PTPRN2: variants seen among roughly 807,000 people sequenced by gnomAD.
The protein encoded by PTPRN2 is protein tyrosine phosphatase receptor type N2.
Under a neutral mutation model 118.8 loss-of-function variants are expected in PTPRN2, and 74 were observed. The ratio of observed to expected loss-of-function variants is 0.62; its 90% CI spans 0.52 to 0.76. The LOEUF (loss-of-function observed/expected upper bound fraction) is 0.76, where lower values mean the gene tolerates loss of function less well. PTPRN2 is among the 30% of genes least tolerant of loss of function. The pLI, the probability that PTPRN2 is intolerant of heterozygous loss-of-function variation, is 0.00. For missense variants in PTPRN2, 1,481 were observed against 1,394.4 expected (o/e 1.06, Z -0.99); for synonymous variants, 641 against 608.0 (o/e 1.05, Z -0.80).
intron 12 of PTPRN2, among the ~76,000 whole-genome samples, chr7:157,883,809 ACAC>A (rs201334090): frequency 0.024 from 3,630 of 151,282 alleles, 64 homozygotes; most frequent in Non-Finnish European, 0.041. Context: ...AGACTAGAAC[ACAC>A]CACCCCAAAA....
chr7:158,124,134 A>G (rs780975022), intron 9 of PTPRN2, among the ~76,000 whole-genome samples: 25 of 152,254 alleles, frequency 1.6e-4, no homozygotes, highest in Non-Finnish European at 2.9e-4. Context: ...AGTTGGGTGT[A>G]CACAGCAGCA....
chr7:158,405,986 C>T (rs570135831), intron 2 of PTPRN2, among the ~76,000 whole-genome samples: 23 of 149,238 alleles, frequency 1.5e-4, no homozygotes, highest in African/African-American at 5.5e-4. Flanking sequence ...ACTGAGATCC[C>T]GCAGTGGCTC....
rs1012364523 is a variant in PTPRN2, at chr7:157,987,471, G to T, written c.1724-88734C>A. Among the ~76,000 whole-genome samples, 2 of 152,082 alleles carry T rather than the reference G, an allele frequency of 1.3e-5. No individual in the cohort carries two copies. The highest frequency in any genetic ancestry group is 1.5e-5 in the Non-Finnish European group (1 of 68,010). Reference sequence around the variant, plus strand: ...GTCATTAATGGGGGCGTAGTGTCCGGTCACTAATAGGGTGTGATGACCTGT... The same window carrying T: ...GTCATTAATGGGGGCGTAGTGTCCGTTCACTAATAGGGTGTGATGACCTGT... On this transcript the variant is annotated intron_variant, in intron 11 of 22. Coordinates refer to ENST00000389418, the MANE Select transcript of PTPRN2 (RefSeq NM_002847.5). The surrounding 1 kb of genome is among the most constrained non-coding windows in gnomAD (Gnocchi z 4.3).
intron 3 of PTPRN2, among the ~76,000 whole-genome samples, chr7:158,300,563 C>T (rs1308920317): frequency 1.3e-5 from 2 of 151,888 alleles, no homozygotes; most frequent in South Asian, 2.1e-4. Flanking sequence ...CACAGCGCCT[C>T]GCCCGCCACC....
chr7:157,931,381 G>A (rs140398186), intron 11 of PTPRN2, among the ~76,000 whole-genome samples: 4 of 152,348 alleles, frequency 2.6e-5, no homozygotes, highest in East Asian at 1.9e-4. Flanking sequence ...GTGAGGAGGC[G>A]TTTGGCCCGG....
chr7:157,568,999 C>T (rs1457405385), intron 20 of PTPRN2, 33 bp from the exon 21 acceptor site: 1 of 1,526,034 alleles, frequency 6.6e-7, no homozygotes, highest in African/African-American at 1.4e-5. Context: ...GAAAGTGCTG[C>T]CGTCCACACG....
chr7:158,098,903 T>C (rs1429071444), intron 10 of PTPRN2, among the ~76,000 whole-genome samples: 1 of 151,806 alleles, frequency 6.6e-6, no homozygotes, highest in East Asian at 1.9e-4. Context: ...GGGTGCAGCG[T>C]TCCTGGGTCC....
At chr7:157,828,063 ATTTCGTAAG>A (rs1719950261) in intron 12 of PTPRN2, among the ~76,000 whole-genome samples, 1 of 152,076 alleles carries the variant, frequency 6.6e-6, no homozygotes, top group Admixed American at 6.5e-5. Context: ...ACGGAAGTAC[ATTTCGTAAG>A]TTCTGGTTTT....
intron 2 of PTPRN2, among the ~76,000 whole-genome samples, chr7:158,333,707 G>T (rs1385419847): frequency 6.7e-6 from 1 of 149,082 alleles, no homozygotes; most frequent in East Asian, 2.0e-4. Flanking sequence ...GTCACCATAA[G>T]AGCTGAGGCC....
rs1429579810 is a variant in PTPRN2 at position 157,603,703 on chromosome 7, CCT to C, written c.2418+297_2418+298del. Among the ~76,000 whole-genome samples, 1 of 152,182 alleles carries C rather than the reference CCT, an allele frequency of 6.6e-6. No homozygotes were observed. Among genetic ancestry groups the C allele is most frequent in the African/African-American group, 2.4e-5 (1 of 41,458 alleles). The stretch of plus-strand genomic sequence containing the variant: ...AAAGAGGAACGGCACCCACTACGAA[CCT>C]CTCCTAAAAGCCATGTCTTCTAGTC... On this transcript the variant is annotated intron_variant, in intron 16 of 22. Transcript: ENST00000389418. This position sits in a 1 kb window ranked among gnomAD's most constrained non-coding sequence, Gnocchi z 5.4.
chr7:157,621,606 G>A (rs1468142915), intron 14 of PTPRN2, 97 bp from the exon 15 acceptor site: 3 of 1,480,918 alleles, frequency 2.0e-6, no homozygotes, highest in Non-Finnish European at 1.8e-6. Context: ...TCGCCGCGTG[G>A]GCCATGCCCA....
rs921016050 is a variant in PTPRN2 at position 158,565,843 on chromosome 7, T to A, written c.112+21715A>T. Among the ~76,000 whole-genome samples, 1 of 152,160 alleles carries A rather than the reference T, an allele frequency of 6.6e-6. No individual in the cohort carries two copies. Among genetic ancestry groups the A allele is most frequent in the Admixed American group, 6.5e-5 (1 of 15,278 alleles). On this transcript the variant is annotated intron_variant, in intron 1 of 22. Transcript: ENST00000389418. This position sits in a 1 kb window ranked among gnomAD's most constrained non-coding sequence, Gnocchi z 4.6. ...ATTGTCTCTGCCAGATGCAGGATAT[T>A]CTGATGAGGAAACCGAGGCATGGAG...
At chr7:158,322,690 C>T (rs970563019) in intron 2 of PTPRN2, among the ~76,000 whole-genome samples, 1 of 152,054 alleles carries the variant, frequency 6.6e-6, no homozygotes, top group African/African-American at 2.4e-5. Flanking sequence ...GGAGAGGACA[C>T]CAAGCTGGTC....
chr7:158,566,538 G>A (rs1277365104), intron 1 of PTPRN2, among the ~76,000 whole-genome samples: 1 of 152,182 alleles, frequency 6.6e-6, no homozygotes, highest in Non-Finnish European at 1.5e-5. Flanking sequence ...CAGGTGACTG[G>A]GCATTTAAAG....
intron 11 of PTPRN2, among the ~76,000 whole-genome samples, chr7:158,009,740 G>A (rs1279130580): frequency 6.6e-6 from 1 of 152,216 alleles, no homozygotes; most frequent in African/African-American, 2.4e-5. Flanking sequence ...TATAGCACAT[G>A]ATAAAGAGAT....
intron 1 of PTPRN2, among the ~76,000 whole-genome samples, chr7:158,587,298 C>G (rs1829015253): frequency 1.4e-5 from 1 of 71,114 alleles, no homozygotes; most frequent in African/African-American, 4.8e-5. Context: ...CAGAACCTCT[C>G]AGAGGCGCCC....
At chr7:157,790,711 A>G (rs1804433772) in intron 12 of PTPRN2, among the ~76,000 whole-genome samples, 1 of 152,216 alleles carries the variant, frequency 6.6e-6, no homozygotes, top group African/African-American at 2.4e-5. Context: ...AATATAAAAT[A>G]CTTTTTAATC....
At chr7:157,752,405 C>T (rs565930203) in intron 12 of PTPRN2, among the ~76,000 whole-genome samples, 70 of 152,322 alleles carry the variant, frequency 4.6e-4, no homozygotes, top group Non-Finnish European at 8.2e-4. Flanking sequence ...GTGCTCTGGG[C>T]GAGCACGTGC....
At chr7:158,102,126 C>T (rs185948654) in intron 10 of PTPRN2, among the ~76,000 whole-genome samples, 8 of 152,268 alleles carry the variant, frequency 5.3e-5, no homozygotes, top group Non-Finnish European at 7.4e-5. Flanking sequence ...CCTCAGCCCA[C>T]GCCTTCACCC....
Sources: gnomAD v4.1 joint callset for allele counts (sites outside exome capture counted in the v4.1 genomes callset) on GRCh38, gnomAD v4.1.1 for gene constraint, Gnocchi (gnomAD v3.1) non-coding constraint, MANE v1.5 for transcripts, NCBI Gene and HGNC (gene_info 2026-07-23, HGNC 2026-07-21) for gene names.